Variants in DAPK1 observed in about 807,000 individuals in gnomAD.
DAPK1 encodes the protein death associated protein kinase 1, also known as death-associated protein kinase 1.
A neutral mutation model predicts 144.9 loss-of-function variants in DAPK1; 56 were observed. The observed-to-expected ratio is 0.39, with a 90% CI of 0.31 to 0.48. DAPK1 has a LOEUF of 0.48. DAPK1 is among the 20% of genes least tolerant of loss of function. The pLI is 0.95. For synonymous variants in DAPK1, 690 were observed against 749.0 expected, an observed-to-expected ratio of 0.92 and a Z score of 1.29; for missense variants, 1,454 against 1,875.4, an observed-to-expected ratio of 0.78 and a Z score of 4.15.
At chr9:87,561,240 T>C (rs10868633) in intron 2 of DAPK1, among the ~76,000 whole-genome samples, 33,957 of 151,834 alleles carry the variant, frequency 0.22, 4,458 homozygotes, top group Non-Finnish European at 0.31. Flanking sequence ...ATACACCAAA[T>C]ATGTGGCCGG....
At chr9:87,628,429 C>A (rs1829555825) in intron 3 of DAPK1, among the ~76,000 whole-genome samples, 2 of 152,194 alleles carry the variant, frequency 1.3e-5, no homozygotes, top group African/African-American at 2.4e-5. Context: ...ACCTTAAATT[C>A]ACTCCGGTTC....
At chr9:87,688,225 G>T (rs1226061355) in intron 21 of DAPK1, among the ~76,000 whole-genome samples, 1 of 152,074 alleles carries the variant, frequency 6.6e-6, no homozygotes, top group Non-Finnish European at 1.5e-5. Flanking sequence ...ATTCACTTAG[G>T]ATAATAGCCT....
At chr9:87,688,893 G>A (rs1482241174) in intron 21 of DAPK1, among the ~76,000 whole-genome samples, 1 of 152,040 alleles carries the variant, frequency 6.6e-6, no homozygotes, top group African/African-American at 2.4e-5. Context: ...TAGGTTGTCT[G>A]TTTACTCTGT....
chr9:87,602,555 C>T lies in DAPK1; in HGVS notation c.63-2399C>T, dbSNP rs1021401527. On this transcript the variant is annotated intron_variant, in intron 2 of 25. Transcript: ENST00000408954. ...TAGAACATTTGGAGGTGAAAACGCA[C>T]GTGGAACAGTTTTTGTATCTAGGCT... Among the ~76,000 whole-genome samples the T allele has an allele frequency of 2.6e-5, 4 of 152,284 alleles. No individual in the cohort carries two copies. The East Asian group carries it at 5.8e-4, about 22-fold the overall frequency.
intron 22 of DAPK1, 26 bp from the exon 23 acceptor site, chr9:87,698,629 CT>C: frequency 1.3e-6 from 2 of 1,559,856 alleles, no homozygotes; most frequent in Non-Finnish European, 1.8e-6. Context: ...GACCCACCCC[CT>C]GAAGCAGTTC....
chr9:87,515,061 T>C (rs1824996291), intron 2 of DAPK1, among the ~76,000 whole-genome samples: 1 of 152,244 alleles, frequency 6.6e-6, no homozygotes, highest in South Asian at 2.1e-4. Flanking sequence ...ATAATGTATT[T>C]TACTTAGCTA....
At chr9:87,631,666 G>T (rs1032973092) in intron 3 of DAPK1, among the ~76,000 whole-genome samples, 2 of 152,120 alleles carry the variant, frequency 1.3e-5, no homozygotes, top group African/African-American at 4.8e-5. Context: ...GTAGAATTTG[G>T]AACAAAGAGA....
intron 2 of DAPK1, among the ~76,000 whole-genome samples, chr9:87,513,285 T>C (rs528974463): frequency 3.3e-4 from 51 of 152,346 alleles, no homozygotes; most frequent in Non-Finnish European, 5.0e-4. Context: ...CTTCTAGTCA[T>C]GTAGGATAGA....
intron 2 of DAPK1, among the ~76,000 whole-genome samples, chr9:87,532,658 C>T (rs1178561778): frequency 1.3e-5 from 2 of 152,150 alleles, no homozygotes; most frequent in Admixed American, 6.5e-5. Context: ...AATGTGTAAA[C>T]TGTTGAATAC....
intron 21 of DAPK1, among the ~76,000 whole-genome samples, chr9:87,695,453 G>A (rs952289410): frequency 2.0e-5 from 3 of 152,250 alleles, no homozygotes; most frequent in Non-Finnish European, 4.4e-5. Flanking sequence ...TGGCAGTGTA[G>A]AGAGGGGGCA....
intron 3 of DAPK1, 121 bp downstream of exon 3, chr9:87,605,296 T>G: frequency 1.3e-6 from 1 of 770,818 alleles, no homozygotes; most frequent in Non-Finnish European, 2.1e-6. Context: ...TTCTGCTGTA[T>G]GAGGTGTGTG....
intron 2 of DAPK1, among the ~76,000 whole-genome samples, chr9:87,505,017 T>A (rs370826594): frequency 3.3e-5 from 5 of 152,218 alleles, no homozygotes; most frequent in Non-Finnish European, 7.3e-5. Context: ...AGGTGTTATA[T>A]CAGGAGAGGC....
At chr9:87,629,862 C>T (rs1323127746) in intron 3 of DAPK1, among the ~76,000 whole-genome samples, 1 of 152,124 alleles carries the variant, frequency 6.6e-6, no homozygotes, top group African/African-American at 2.4e-5. Flanking sequence ...CTGGATAGGC[C>T]CTTTTGATGC....
rs1554695945 is a variant in DAPK1 at position 87,643,366 on chromosome 9, T to TA, written c.919-2dup. On this transcript the variant is annotated splice_polypyrimidine_tract_variant and intron_variant, in intron 10 of 25. Transcript: ENST00000408954. The stretch of plus-strand genomic sequence containing the variant: ...CCCTCCCTTTTTTTTTTTTTTTTTT[T>TA]AAAAAAAAGCAATCCGTTCGCTTGA... The TA allele has an allele frequency of 3.6e-3, 4,905 of 1,347,508 alleles. 117 individuals carry two copies. In the African/African-American group the frequency reaches 0.061, roughly 17 times the overall value. The allele number at this position is 1,347,508 out of a possible 1,614,324, so 83.5% of individuals were successfully genotyped here. A position where few individuals can be genotyped will look rare whatever the true frequency, so the allele number is the denominator to read the frequency against.
At chr9:87,502,627 ACCATCT>A (rs1824447249) in intron 2 of DAPK1, among the ~76,000 whole-genome samples, 1 of 152,022 alleles carries the variant, frequency 6.6e-6, no homozygotes, top group Admixed American at 6.5e-5. Flanking sequence ...TTCCTATTGC[ACCATCT>A]GACCTTATAT....
intron 3 of DAPK1, chr9:87,633,499 A>G (rs1196357418): frequency 1.2e-5 from 5 of 434,132 alleles, no homozygotes; most frequent in Non-Finnish European, 1.5e-5. Flanking sequence ...GGACTGCTTC[A>G]TAACAAGTTG....
At chr9:87,528,529 T>C (rs1198112349) in intron 2 of DAPK1, among the ~76,000 whole-genome samples, 2 of 152,094 alleles carry the variant, frequency 1.3e-5, no homozygotes, top group Non-Finnish European at 2.9e-5. Flanking sequence ...ACCATGCACC[T>C]TTTCTAATCC....
At chr9:87,667,573 G>C (rs1397540841) in intron 18 of DAPK1, among the ~76,000 whole-genome samples, 3 of 152,184 alleles carry the variant, frequency 2.0e-5, no homozygotes, top group African/African-American at 7.2e-5. Context: ...GGGACCCCAG[G>C]CATGACTCTG....
Position 87,700,232 on chromosome 9 carries a change from GT to G in DAPK1, c.2869del (p.Ser957ArgfsTer6). The G allele has an allele frequency of 6.2e-7, 1 of 1,611,690 alleles. No homozygotes were observed. The highest frequency in any genetic ancestry group is 8.5e-7 in the Non-Finnish European group (1 of 1,177,752). On this transcript the variant is annotated frameshift_variant, in exon 24 of 26. Transcript: ENST00000408954. LOFTEE classifies it high-confidence loss of function. ...TCTGCAAGAAATACGAAGCCAGATT[GT>G]TTCGGTAAGTACACCATGGAAAGAG... ...NHLQEIRSQI[V>X]SVCPPMTHLC... is the part of the protein sequence containing the mutation.
Sources: allele counts gnomAD v4.1 joint callset (sites outside exome capture counted in the v4.1 genomes callset), GRCh38; gene constraint gnomAD v4.1.1; transcripts MANE v1.5; gene names NCBI Gene and HGNC (gene_info 2026-07-23, HGNC 2026-07-21).